CTR9: variants seen among roughly 807,000 people sequenced by gnomAD.
The protein encoded by CTR9 is CTR9 component of Paf1/RNA polymerase II complex, also known as RNA polymerase-associated protein CTR9 homolog.
In CTR9, 41 loss-of-function variants were observed where a neutral mutation model predicts 152.1. The observed-to-expected ratio is 0.27, with a 90% CI of 0.21 to 0.35. CTR9 has a LOEUF of 0.35. Among genes scored for constraint, CTR9 ranks in the 10% least tolerant of loss-of-function variants. The pLI, the probability that CTR9 is intolerant of heterozygous loss-of-function variation, is 1.00. For missense variants in CTR9, 917 were observed against 1,424.4 expected, an observed-to-expected ratio of 0.64 and a Z score of 5.73; for synonymous variants, 476 against 496.2, an observed-to-expected ratio of 0.96 and a Z score of 0.54.
Position 10,771,627 on chromosome 11 carries a change from T to C in CTR9, c.2444+11T>C. The C allele has an allele frequency of 6.2e-7, 1 of 1,601,470 alleles. No individual in the cohort carries two copies. The highest frequency in any genetic ancestry group is 8.6e-7 in the Non-Finnish European group (1 of 1,168,592). On this transcript the variant is annotated intron_variant, in intron 19 of 24. Coordinates refer to ENST00000361367, the MANE Select transcript of CTR9 (RefSeq NM_014633.5). ...TGCTACAGAAGCCAGGTAATGTTAC[T>C]ATTTATGGAAGGTGACTTTGGGTGA...
Position 10,752,654 on chromosome 11 carries a change from C to A in CTR9, c.46-18C>A. 1.3e-6 allele frequency: 2 copies of A among 1,573,512 alleles called. No individual in the cohort carries two copies. The highest frequency in any genetic ancestry group is 1.7e-6 in the Non-Finnish European group (2 of 1,144,072). ...TTTAAAGTGGAATAAGAGTTAAGACCTACCTTTTGTATTTTAGGTCATTGA... is the reference window on the plus strand; with the variant it reads ...TTTAAAGTGGAATAAGAGTTAAGACATACCTTTTGTATTTTAGGTCATTGA... On this transcript the variant is annotated intron_variant, in intron 1 of 24. Transcript: ENST00000361367.
chr11:10,776,981 A>G lies in CTR9; in HGVS notation c.3095+1348A>G, dbSNP rs7925457. ...GAATGAGACTCTTGTGAAAAAAAAA[A>G]AAAAAAAAAAAAAAAGCTCACATTA... On this transcript the variant is annotated intron_variant, in intron 24 of 24. Transcript: ENST00000361367. Among the ~76,000 whole-genome samples, 229 of 144,884 alleles carry G rather than the reference A, an allele frequency of 1.6e-3. 2 individuals carry two copies. Among genetic ancestry groups the G allele is most frequent in the African/African-American group, 6.2e-3 (219 of 35,356 alleles).
intron 24 of CTR9, among the ~76,000 whole-genome samples, chr11:10,776,330 G>A (rs895942336): frequency 9.2e-5 from 14 of 152,100 alleles, no homozygotes; most frequent in African/African-American, 2.4e-4. Flanking sequence ...CCCGTTGTGC[G>A]GTGGTAAGTC....
chr11:10,779,461 G>A lies in CTR9; in HGVS notation c.*356G>A. Reference sequence around the variant, plus strand: ...GCAGCATACTCTTCTGATTTTTATTGCAATCTTTTACCAAGTGGTGCACAA... The same window carrying A: ...GCAGCATACTCTTCTGATTTTTATTACAATCTTTTACCAAGTGGTGCACAA... On this transcript the variant is annotated 3_prime_UTR_variant, in exon 25 of 25. Transcript: ENST00000361367. 1 of 179,842 alleles carries A rather than the reference G, an allele frequency of 5.6e-6. No homozygotes were observed. 11.1% of individuals were successfully genotyped at this position (179,842 alleles called of 1,614,324 possible). A position where few individuals can be genotyped will look rare whatever the true frequency, so the allele number is the denominator to read the frequency against.
chr11:10,766,340 T>G (rs1007586049), intron 12 of CTR9, 62 bp from the exon 13 acceptor site: 1 of 1,327,940 alleles, frequency 7.5e-7, no homozygotes, highest in Admixed American at 2.1e-5. Flanking sequence ...AAGTATGACT[T>G]TAAAATTATG....
At chr11:10,766,209 A>G in intron 12 of CTR9, 193 bp from the exon 13 acceptor site, 1 of 557,420 alleles carries the variant, frequency 1.8e-6, no homozygotes, top group Admixed American at 3.7e-5. Context: ...GATTTCAAAC[A>G]GTAAGTCTAG....
At chr11:10,755,548 A>G (rs1862871677) in intron 3 of CTR9, 130 bp from the exon 4 acceptor site, 1 of 605,880 alleles carries the variant, frequency 1.7e-6, no homozygotes, top group South Asian at 2.5e-5. Flanking sequence ...GCTTGTTAGT[A>G]GCTTAAGCAC....
At chr11:10,762,917 A>T (rs903689781) in intron 7 of CTR9, among the ~76,000 whole-genome samples, 3 of 151,482 alleles carry the variant, frequency 2.0e-5, no homozygotes, top group African/African-American at 7.3e-5. Flanking sequence ...AGGTGGGAGG[A>T]TCACTTGAGC....
chr11:10,778,965 GCCGAATCAGATC>G lies in CTR9; in HGVS notation c.3383_3394del (p.Ala1128_His1132delinsAsp). ...CGACTCTCGCCCAGCTTCTCCAAGT[GCCGAATCAGATC>G]ACGAATCGGAGAGAGGATCTGATAA... On this transcript the variant is annotated inframe_deletion, in exon 25 of 25. Coordinates refer to ENST00000361367, the MANE Select transcript of CTR9 (RefSeq NM_014633.5). 1 of 1,614,164 alleles carries G rather than the reference GCCGAATCAGATC, an allele frequency of 6.2e-7. No homozygotes were observed. Among genetic ancestry groups the G allele is most frequent in the Non-Finnish European group, 8.5e-7 (1 of 1,180,048 alleles).
At chr11:10,771,457 A>G (rs1863141711) in intron 18 of CTR9, 88 bp from the exon 19 acceptor site, 1 of 935,050 alleles carries the variant, frequency 1.1e-6, no homozygotes, top group East Asian at 2.5e-5. Flanking sequence ...CTTTTCTCAG[A>G]CTTTGTAGCA....
Position 10,775,604 on chromosome 11 carries a change from T to C in CTR9, c.3066T>C (p.Asp1022=), listed in dbSNP as rs759982303. 7 of 1,612,462 alleles carry C rather than the reference T, an allele frequency of 4.3e-6. No homozygotes were observed. The East Asian group carries it at 1.3e-4, about 31-fold the overall frequency. ...AIISSSDDSS[D]EDKLKIADEG... Reference sequence around the variant, plus strand: ...TTTCATCAAGTGATGACTCTTCGGATGAGGATAAACTTAAAATTGCTGATG... The same window carrying C: ...TTTCATCAAGTGATGACTCTTCGGACGAGGATAAACTTAAAATTGCTGATG... Residue 1022 remains aspartate, a synonymous_variant, in exon 24 of 25, where the codon GAT becomes GAC. Coordinates refer to ENST00000361367, the MANE Select transcript of CTR9 (RefSeq NM_014633.5).
In CTR9 at chr11:10,764,592, A is replaced by C; in HGVS notation, c.1458A>C (p.Glu486Asp). ...TGGACCGTGCAAAAGCAGAAGCGGA[A>C]CACGATGAGCATTACTATAACGCCA... ...ASLDRAKAEA[E>D]HDEHYYNAIS... is the part of the protein sequence containing the mutation. The change falls in exon 12 of 25, where the codon GAA (glutamate) becomes GAC (aspartate). Residue 486 changes from glutamate to aspartate, a missense_variant. Around this residue, in one of 9 missense-constraint regions of CTR9, gnomAD observed 133 missense variants for 244.1 expected, o/e 0.54. Coordinates refer to ENST00000361367, the MANE Select transcript of CTR9 (RefSeq NM_014633.5). 1 of 1,612,738 alleles carries C rather than the reference A, an allele frequency of 6.2e-7. No individual in the cohort carries two copies. Among genetic ancestry groups the C allele is most frequent in the Non-Finnish European group, 8.5e-7 (1 of 1,178,898 alleles).
Position 10,755,039 on chromosome 11 carries a change from A to G in CTR9, c.226A>G (p.Arg76Gly). The G allele has an allele frequency of 6.2e-7, 1 of 1,614,140 alleles. No homozygotes were observed. Among genetic ancestry groups the G allele is most frequent in the African/African-American group, 1.3e-5 (1 of 75,072 alleles). ...AARIDGNLDY[R>G]DHEKDQMTCL... ...ACGTATAGATGGCAATTTGGACTAT[A>G]GAGACCATGAAAAAGACCAGATGAC... Residue 76 changes from arginine (R) to glycine (G), a missense_variant, in exon 3 of 25, where the codon AGA (arginine) becomes GGA (glycine). Physicochemically the swap from Arg to Gly is moderately radical, Grantham distance 125. Around this residue, in one of 9 missense-constraint regions of CTR9, gnomAD observed 67 missense variants for 106.9 expected, o/e 0.63. Transcript: ENST00000361367.
intron 23 of CTR9, 68 bp downstream of exon 23, chr11:10,775,371 A>T: frequency 1.4e-6 from 2 of 1,448,766 alleles, no homozygotes; most frequent in African/African-American, 2.8e-5. Context: ...ACTAGAATAC[A>T]TTCTTTCCTT....
chr11:10,774,588 G>T (rs1166560826), intron 22 of CTR9, among the ~76,000 whole-genome samples: 1 of 152,212 alleles, frequency 6.6e-6, no homozygotes, highest in Admixed American at 6.5e-5. Flanking sequence ...AGATGTGAAT[G>T]TGTGTAAAAG....
intron 13 of CTR9, among the ~76,000 whole-genome samples, chr11:10,766,872 C>T (rs1863068243): frequency 6.6e-6 from 1 of 152,014 alleles, no homozygotes; most frequent in South Asian, 2.1e-4. Context: ...TGTATGGAAC[C>T]ATAGCTATGG....
At chr11:10,768,628 T>G in intron 16 of CTR9, 137 bp downstream of exon 16, 1 of 895,658 alleles carries the variant, frequency 1.1e-6, no homozygotes, top group Non-Finnish European at 1.6e-6. Context: ...TATAATTATA[T>G]AATGCTAAGG....
intron 1 of CTR9, among the ~76,000 whole-genome samples, chr11:10,751,819 G>A (rs1172057324): frequency 2.0e-5 from 3 of 152,100 alleles, no homozygotes; most frequent in Admixed American, 6.6e-5. Flanking sequence ...TGATGTTTCC[G>A]GGGTTTATAT....
intron 7 of CTR9, among the ~76,000 whole-genome samples, 163 bp from the exon 8 acceptor site, chr11:10,763,268 T>A (rs1863006158): frequency 6.7e-6 from 1 of 149,978 alleles, no homozygotes; most frequent in South Asian, 2.1e-4. Flanking sequence ...CCTTTCATAG[T>A]GAATTATTGA....
Sources: allele counts gnomAD v4.1 joint callset (sites outside exome capture counted in the v4.1 genomes callset), GRCh38; gene constraint gnomAD v4.1.1; regional missense constraint gnomAD v4.1.1; transcripts MANE v1.5; gene names NCBI Gene and HGNC (gene_info 2026-07-23, HGNC 2026-07-21).